SKAP1: variants seen among roughly 807,000 people sequenced by gnomAD.
The protein encoded by SKAP1 is src kinase-associated phosphoprotein 1.
A neutral mutation model predicts 58.5 loss-of-function variants in SKAP1; 44 were observed. The ratio of observed to expected loss-of-function variants is 0.75; its 90% CI spans 0.59 to 0.97. The LOEUF (loss-of-function observed/expected upper bound fraction) is 0.97. Ranked by LOEUF, SKAP1 falls within the 50% of genes least tolerant of loss-of-function variation. The probability of loss-of-function intolerance (pLI) is 0.00; values close to 1 mark genes in which losing one functional copy is unlikely to be tolerated. For synonymous variants in SKAP1, 127 were observed against 149.7 expected (o/e 0.85, Z 1.11); for missense variants, 390 against 435.2 (o/e 0.90, Z 0.92).
At chr17:48,407,109 A>G (rs889013249) in intron 1 of SKAP1, among the ~76,000 whole-genome samples, 1 of 152,242 alleles carries the variant, frequency 6.6e-6, no homozygotes, top group African/African-American at 2.4e-5. Flanking sequence ...TACATATATT[A>G]TGAGTCAAAG....
chr17:48,211,744 T>C (rs1038699600), intron 4 of SKAP1, among the ~76,000 whole-genome samples: 1 of 152,206 alleles, frequency 6.6e-6, no homozygotes, highest in African/African-American at 2.4e-5. Flanking sequence ...AGTTTGTTGC[T>C]GGTTTATGTC....
At chr17:48,329,640 G>A (rs1350530035) in intron 4 of SKAP1, among the ~76,000 whole-genome samples, 2 of 152,216 alleles carry the variant, frequency 1.3e-5, no homozygotes, top group African/African-American at 4.8e-5. Context: ...CCGGGAGGCG[G>A]AGGTTGCAGT....
intron 4 of SKAP1, among the ~76,000 whole-genome samples, chr17:48,304,755 T>C (rs142929999): frequency 9.5e-4 from 144 of 152,352 alleles, no homozygotes; most frequent in African/African-American, 3.4e-3. Context: ...GTTTCAATTC[T>C]TTAGTTACAC....
intron 9 of SKAP1, among the ~76,000 whole-genome samples, chr17:48,172,667 T>C (rs1033249200): frequency 4.6e-5 from 7 of 152,224 alleles, no homozygotes; most frequent in Non-Finnish European, 7.3e-5. Context: ...TGAGTCTTAA[T>C]GACATTTGCT....
upstream of SKAP1, among the ~76,000 whole-genome samples, chr17:48,432,626 T>C (rs1407792238): frequency 4.6e-5 from 7 of 152,206 alleles, no homozygotes. Flanking sequence ...ATGGGAACTG[T>C]CTGTGCTATC....
chr17:48,136,580 CA>C (rs1452485015), intron 12 of SKAP1: 1 of 152,102 alleles, frequency 6.6e-6, no homozygotes, highest in Non-Finnish European at 1.5e-5. Context: ...GTTGGGCACA[CA>C]GAGAAGAACA....
chr17:48,406,984 T>C (rs939120161), intron 1 of SKAP1, among the ~76,000 whole-genome samples: 1 of 152,140 alleles, frequency 6.6e-6, no homozygotes, highest in Non-Finnish European at 1.5e-5. Context: ...GCATGAGCCA[T>C]CGTGTTTGGC....
chr17:48,248,372 G>T (rs2065320376), intron 4 of SKAP1, among the ~76,000 whole-genome samples: 1 of 152,052 alleles, frequency 6.6e-6, no homozygotes, highest in Non-Finnish European at 1.5e-5. Context: ...TTCGAGACCA[G>T]CCTGGCCAAC....
chr17:48,300,707 C>T lies in SKAP1; in HGVS notation c.280+45198G>A, dbSNP rs2066045902. 2.0e-5 allele frequency among the ~76,000 whole-genome samples: 3 copies of T among 152,292 alleles called. No individual in the cohort carries two copies. In the South Asian group the frequency reaches 6.2e-4, roughly 32 times the overall value. On this transcript the variant is annotated intron_variant, in intron 4 of 12. Transcript: ENST00000336915. ...GTTGAATAGATTGAGATGGTTCTCA[C>T]TGTATATATTAATTACTGCTTAACA...
chr17:48,367,430 CA>C (rs1263485804), intron 2 of SKAP1, among the ~76,000 whole-genome samples: 1 of 147,980 alleles, frequency 6.8e-6, no homozygotes, highest in Non-Finnish European at 1.5e-5. Context: ...GCATTCTCAC[CA>C]AAAAAAAGGT....
At chr17:48,264,751 C>CAT (rs2065523244) in intron 4 of SKAP1, among the ~76,000 whole-genome samples, 1 of 141,336 alleles carries the variant, frequency 7.1e-6, no homozygotes, top group Non-Finnish European at 1.5e-5. Context: ...ACAAAACACA[C>CAT]ACACACACAC....
chr17:48,178,927 C>T (rs760056254), intron 9 of SKAP1, among the ~76,000 whole-genome samples: 3 of 152,200 alleles, frequency 2.0e-5, no homozygotes, highest in African/African-American at 7.2e-5. Flanking sequence ...AAGTCCCCAG[C>T]AGGGCAGGGA....
intron 4 of SKAP1, among the ~76,000 whole-genome samples, chr17:48,241,051 T>C (rs1367264882): frequency 6.6e-6 from 1 of 152,166 alleles, no homozygotes; most frequent in Non-Finnish European, 1.5e-5. Flanking sequence ...CTATTTCTAC[T>C]GGCATTAGTT....
chr17:48,265,306 C>T (rs373056729), intron 4 of SKAP1, among the ~76,000 whole-genome samples: 16 of 152,164 alleles, frequency 1.1e-4, no homozygotes, highest in African/African-American at 3.9e-4. Context: ...GAGTTCAAGA[C>T]CAGCCTGGCC....
intron 4 of SKAP1, among the ~76,000 whole-genome samples, chr17:48,331,736 A>G (rs894776817): frequency 5.3e-5 from 8 of 152,236 alleles, no homozygotes; most frequent in African/African-American, 1.7e-4. Flanking sequence ...TAAGGCTTTT[A>G]AAAAATCTAG....
chr17:48,329,723 C>CA (rs968211229), intron 4 of SKAP1, among the ~76,000 whole-genome samples: 4 of 151,992 alleles, frequency 2.6e-5, no homozygotes, highest in African/African-American at 9.6e-5. Context: ...AACAAAAAAA[C>CA]AAAAAACAAT....
intron 4 of SKAP1, among the ~76,000 whole-genome samples, chr17:48,266,098 A>G (rs1278510665): frequency 6.6e-6 from 1 of 152,022 alleles, no homozygotes; most frequent in Non-Finnish European, 1.5e-5. Flanking sequence ...TGAGCTGGAA[A>G]TATTTCCGAG....
chr17:48,285,280 C>T (rs149007565), intron 4 of SKAP1, among the ~76,000 whole-genome samples: 3 of 152,278 alleles, frequency 2.0e-5, no homozygotes, highest in African/African-American at 4.8e-5. Flanking sequence ...CTCCTTTATA[C>T]GATACCACCT....
intron 4 of SKAP1, among the ~76,000 whole-genome samples, chr17:48,220,559 A>G (rs536143228): frequency 6.6e-6 from 1 of 152,300 alleles, no homozygotes; most frequent in African/African-American, 2.4e-5. Context: ...GGGACGGGGC[A>G]TAAAGAGAAG....
Sources: allele counts gnomAD v4.1 joint callset (sites outside exome capture counted in the v4.1 genomes callset), GRCh38; gene constraint gnomAD v4.1.1; transcripts MANE v1.5; gene names NCBI Gene and HGNC (gene_info 2026-07-23, HGNC 2026-07-21).